KLF8: variants seen among roughly 807,000 people sequenced by gnomAD.
The protein encoded by KLF8 is KLF transcription factor 8, also known as Krueppel-like factor 8.
In KLF8, 10 loss-of-function variants were observed where a neutral mutation model predicts 18.2. The ratio of observed to expected loss-of-function variants is 0.55; its 90% CI spans 0.34 to 0.93. The LOEUF is 0.93. Ranked by LOEUF, KLF8 falls within the 40% of genes least tolerant of loss-of-function variation. The pLI, the probability that KLF8 is intolerant of heterozygous loss-of-function variation, is 0.02. For synonymous variants in KLF8, 109 were observed against 97.3 expected, an observed-to-expected ratio of 1.12 and a Z score of -0.71; for missense variants, 264 against 277.9, an observed-to-expected ratio of 0.95 and a Z score of 0.36.
the KLF8 span, among the ~76,000 whole-genome samples, chrX:56,124,565 G>T: frequency 9.0e-6 from 1 of 111,522 alleles, no homozygotes; most frequent in Admixed American, 9.5e-5. Flanking sequence ...AGGCAATTGT[G>T]GCCTATAGAG....
chrX:56,021,862 TGTGCAGGTCC>T, the KLF8 span, among the ~76,000 whole-genome samples: 1 of 109,716 alleles, frequency 9.1e-6, no homozygotes, highest in Non-Finnish European at 1.9e-5. Flanking sequence ...CAGCAGGCCT[TGTGCAGGTCC>T]AAGATAATTC....
At chrX:56,052,582 G>A in the KLF8 span, among the ~76,000 whole-genome samples, 1 of 111,816 alleles carries the variant, frequency 8.9e-6, no homozygotes, top group Non-Finnish European at 1.9e-5. Context: ...GGCTGCCCGG[G>A]GGTCAGGGGT....
At chrX:56,025,905 A>T in the KLF8 span, among the ~76,000 whole-genome samples, 1 of 112,660 alleles carries the variant, frequency 8.9e-6, no homozygotes, top group Non-Finnish European at 1.9e-5. Flanking sequence ...CAGTGACCTG[A>T]TGTACACACT....
At chrX:56,116,353 T>C in the KLF8 span, among the ~76,000 whole-genome samples, 1 of 111,705 alleles carries the variant, frequency 9.0e-6, no homozygotes, top group African/African-American at 3.3e-5. Context: ...ATGAGAAGAA[T>C]TGATGAAAGA....
rs1261607947 is a variant in KLF8 at position 56,250,124 on chromosome X, A to G, written c.8-107A>G. 9.2e-6 allele frequency: 5 copies of G among 540,927 alleles called. No individual in the cohort carries two copies. The East Asian group carries it at 1.4e-4, about 15-fold the overall frequency. 44.6% of individuals were successfully genotyped at this position (540,927 alleles called of 1,213,427 possible). Reference sequence around the variant, plus strand: ...AATGACTTATCAGTATCTGGTAAGCACTGAAAGATAAAGGTCATAGAACAC... The same window carrying G: ...AATGACTTATCAGTATCTGGTAAGCGCTGAAAGATAAAGGTCATAGAACAC... On this transcript the variant is annotated intron_variant, in intron 1 of 5. Coordinates refer to ENST00000468660, the MANE Select transcript of KLF8 (RefSeq NM_007250.5).
chrX:56,207,141 T>A, the KLF8 span, among the ~76,000 whole-genome samples: 1 of 112,360 alleles, frequency 8.9e-6, no homozygotes, highest in South Asian at 3.7e-4. Flanking sequence ...CATGATATTA[T>A]TTTTTTCCTT....
chrX:55,968,935 C>A, the KLF8 span, among the ~76,000 whole-genome samples: 1 of 111,788 alleles, frequency 8.9e-6, no homozygotes, highest in African/African-American at 3.3e-5. Context: ...GCACCCAACA[C>A]TGTTGCAATC....
At chrX:56,085,255 AC>A in the KLF8 span, among the ~76,000 whole-genome samples, 67 of 111,180 alleles carry the variant, frequency 6.0e-4, no homozygotes, top group Non-Finnish European at 1.0e-3. Flanking sequence ...GAGGGGAGAT[AC>A]ACACACACAC....
chrX:55,962,747 G>C, the KLF8 span, among the ~76,000 whole-genome samples: 7 of 112,458 alleles, frequency 6.2e-5, no homozygotes, highest in African/African-American at 2.3e-4. Flanking sequence ...TTTTCTCAAA[G>C]AGTTTATACA....
upstream of KLF8, among the ~76,000 whole-genome samples, chrX:56,230,246 G>T (rs935748966): frequency 2.7e-5 from 3 of 111,848 alleles, no homozygotes; most frequent in Admixed American, 9.5e-5. Context: ...TCACAAAAAT[G>T]CATTTATTAT....
chrX:56,021,009 T>C, the KLF8 span, among the ~76,000 whole-genome samples: 1 of 112,367 alleles, frequency 8.9e-6, no homozygotes, highest in African/African-American at 3.2e-5. Context: ...GATTTGCTGA[T>C]ATTTATTGTA....
the KLF8 span, among the ~76,000 whole-genome samples, chrX:56,218,273 T>C: frequency 2.4e-4 from 27 of 110,752 alleles, 1 homozygote; most frequent in African/African-American, 8.9e-4. Flanking sequence ...AGTGAGGTAA[T>C]ATACTTAGGC....
chrX:56,139,003 T>C, the KLF8 span, among the ~76,000 whole-genome samples: 1 of 110,861 alleles, frequency 9.0e-6, no homozygotes, highest in Non-Finnish European at 1.9e-5. Flanking sequence ...CAACAGCATT[T>C]CTACACACCA....
chrX:56,067,446 G>A, the KLF8 span, among the ~76,000 whole-genome samples: 2 of 110,750 alleles, frequency 1.8e-5, no homozygotes, highest in Non-Finnish European at 3.8e-5. Flanking sequence ...GCAGTGCCTA[G>A]ATGGTAGACT....
the KLF8 span, among the ~76,000 whole-genome samples, chrX:56,202,352 G>A: frequency 9.0e-6 from 1 of 110,526 alleles, no homozygotes; most frequent in African/African-American, 3.3e-5. Flanking sequence ...TTTCATACAG[G>A]CATGCGATGT....
At chrX:56,049,122 C>T in the KLF8 span, among the ~76,000 whole-genome samples, 1 of 111,585 alleles carries the variant, frequency 9.0e-6, no homozygotes, top group Non-Finnish European at 1.9e-5. Context: ...ATTTTGTATC[C>T]TGAGACTTTG....
the KLF8 span, among the ~76,000 whole-genome samples, chrX:56,050,096 G>T: frequency 2.7e-5 from 3 of 110,249 alleles, no homozygotes; most frequent in Non-Finnish European, 5.7e-5. Flanking sequence ...TTGTATTTCT[G>T]TGGGATCGGT....
chrX:56,013,625 T>A, the KLF8 span, among the ~76,000 whole-genome samples: 2 of 110,761 alleles, frequency 1.8e-5, no homozygotes, highest in East Asian at 5.7e-4. Flanking sequence ...ATGGGGGTGA[T>A]TTCCTTCTTC....
chrX:55,997,524 T>C, the KLF8 span, among the ~76,000 whole-genome samples: 2 of 111,632 alleles, frequency 1.8e-5, no homozygotes, highest in Non-Finnish European at 3.8e-5. Context: ...GTATGATTCC[T>C]GGTGCTTGAC....
Sources: allele counts gnomAD v4.1 joint callset (sites outside exome capture counted in the v4.1 genomes callset), GRCh38; gene constraint gnomAD v4.1.1; transcripts MANE v1.5; gene names NCBI Gene and HGNC (gene_info 2026-07-23, HGNC 2026-07-21).